The following PCDH15 variants were observed in gnomAD, a reference collection of about 807,000 sequenced individuals.
PCDH15 encodes protocadherin related 15.
Under a neutral mutation model 178.5 loss-of-function variants are expected in PCDH15, and 129 were observed. The observed-to-expected ratio is 0.72, with a 90% CI of 0.63 to 0.84. The LOEUF is 0.84. Ranked by LOEUF, PCDH15 falls within the 40% of genes least tolerant of loss-of-function variation. PCDH15 has a pLI of 0.00. For missense variants in PCDH15, 2,230 were observed against 2,099.9 expected (o/e 1.06, Z -1.21); for synonymous variants, 800 against 732.0 (o/e 1.09, Z -1.50).
At chr10:54,446,254 G>T (rs1320129959) in intron 3 of PCDH15, among the ~76,000 whole-genome samples, 1 of 151,530 alleles carries the variant, frequency 6.6e-6, no homozygotes, top group African/African-American at 2.4e-5. Flanking sequence ...TATGAAGGTT[G>T]AACTATTTGC....
At chr10:54,036,532 G>T (rs979691709) in intron 18 of PCDH15, among the ~76,000 whole-genome samples, 2 of 151,746 alleles carry the variant, frequency 1.3e-5, no homozygotes, top group African/African-American at 4.8e-5. Flanking sequence ...TATGTTTACA[G>T]CATAGTTTAG....
At position 55,577,427 on chromosome 10, in the gene PCDH15, G is replaced by A. The variant is rs1842518312; in HGVS notation, c.-156+50198C>T. 2.0e-5 allele frequency among the ~76,000 whole-genome samples: 3 copies of A among 151,956 alleles called. No homozygotes were observed. The South Asian group carries it at 6.2e-4, about 31-fold the overall frequency. On this transcript the variant is annotated intron_variant, in intron 2 of 5. Coordinates refer to the PCDH15 transcript ENST00000613346. ...ATTTTAATATTATACTAAATTCTGT[G>A]GAGATACCTGAAGAAAAAGAAAGAA...
intron 29 of PCDH15, among the ~76,000 whole-genome samples, chr10:53,832,065 C>T (rs2077047576): frequency 6.6e-6 from 1 of 152,000 alleles, no homozygotes; most frequent in Non-Finnish European, 1.5e-5. Context: ...ATAACACCAT[C>T]TTAAAAGTAA....
intron 2 of PCDH15, among the ~76,000 whole-genome samples, chr10:55,526,700 T>A (rs746605384): frequency 5.3e-5 from 8 of 152,106 alleles, no homozygotes; most frequent in Non-Finnish European, 1.2e-4. Context: ...AGGTTTATAA[T>A]TTATGCTTGT....
chr10:53,916,072 A>G (rs1210580538), intron 25 of PCDH15, among the ~76,000 whole-genome samples: 1 of 152,152 alleles, frequency 6.6e-6, no homozygotes, highest in East Asian at 1.9e-4. Flanking sequence ...TCATCTCCAG[A>G]TAACTTATAA....
intron 2 of PCDH15, among the ~76,000 whole-genome samples, chr10:54,922,792 T>C (rs1837527613): frequency 2.0e-5 from 3 of 152,148 alleles, no homozygotes; most frequent in Admixed American, 2.0e-4. Context: ...GGCACAGCCC[T>C]CATGGTTGCT....
chr10:55,294,992 C>T (rs975220620), intron 1 of PCDH15, among the ~76,000 whole-genome samples: 2 of 152,076 alleles, frequency 1.3e-5, no homozygotes, highest in African/African-American at 2.4e-5. Context: ...CAAGTTCCAC[C>T]TCTTTTTAGA....
chr10:55,507,007 A>T (rs914017536), intron 2 of PCDH15, among the ~76,000 whole-genome samples: 1 of 151,534 alleles, frequency 6.6e-6, no homozygotes. Flanking sequence ...AAGATTATAT[A>T]TAGGTATATA....
chr10:53,847,593 T>G (rs113657038), intron 28 of PCDH15, among the ~76,000 whole-genome samples: 1 of 152,116 alleles, frequency 6.6e-6, no homozygotes, highest in African/African-American at 2.4e-5. Context: ...GGAATTAGAC[T>G]TTGAAAGAGT....
At chr10:55,456,174 A>G (rs1565157691) in intron 2 of PCDH15, among the ~76,000 whole-genome samples, 3 of 152,176 alleles carry the variant, frequency 2.0e-5, no homozygotes, top group Middle Eastern at 6.8e-3. Flanking sequence ...AATAGCATCT[A>G]TGGATGTGAT....
At chr10:55,483,677 G>C (rs932672725) in intron 2 of PCDH15, among the ~76,000 whole-genome samples, 4 of 151,500 alleles carry the variant, frequency 2.6e-5, no homozygotes, top group Non-Finnish European at 5.9e-5. Context: ...GACACATACT[G>C]TGGTGGTGTG....
At chr10:55,597,440 T>A (rs1842958985) in intron 2 of PCDH15, among the ~76,000 whole-genome samples, 2 of 152,042 alleles carry the variant, frequency 1.3e-5, no homozygotes, top group Non-Finnish European at 2.9e-5. Context: ...TTGAACCTAG[T>A]CAGAACCCTA....
intron 29 of PCDH15, among the ~76,000 whole-genome samples, chr10:53,834,509 C>A (rs1047320852): frequency 7.1e-6 from 1 of 140,458 alleles, no homozygotes; most frequent in African/African-American, 2.8e-5. Context: ...AGCATCAACA[C>A]AGAAATGTGT....
At chr10:54,796,270 C>CTATCTATCTATG (rs1191299791) in intron 1 of PCDH15, among the ~76,000 whole-genome samples, 1 of 80,278 alleles carries the variant, frequency 1.2e-5, no homozygotes, top group East Asian at 3.3e-4. Flanking sequence ...ATCTATCTAT[C>CTATCTATCTATG]TATGTATCTA....
intron 1 of PCDH15, among the ~76,000 whole-genome samples, chr10:54,784,441 A>T (rs1950654711): frequency 6.6e-6 from 1 of 152,002 alleles, no homozygotes; most frequent in Non-Finnish European, 1.5e-5. Context: ...GAATAATGGG[A>T]TAATAGATTC....
chr10:55,608,716 C>T (rs921096138), intron 2 of PCDH15, among the ~76,000 whole-genome samples: 5 of 151,704 alleles, frequency 3.3e-5, no homozygotes, highest in African/African-American at 4.8e-5. Context: ...CCTCCCTGAT[C>T]GACTAAAACT....
intron 8 of PCDH15, among the ~76,000 whole-genome samples, chr10:54,245,272 T>G (rs1170647817): frequency 1.3e-5 from 2 of 152,202 alleles, no homozygotes; most frequent in Non-Finnish European, 1.5e-5. Context: ...ATTTTTAATT[T>G]AGATAAATGA....
At chr10:53,857,111 A>T (rs1236869898) in intron 28 of PCDH15, 64 bp downstream of exon 28, 13 of 1,187,404 alleles carry the variant, frequency 1.1e-5, no homozygotes, top group South Asian at 3.9e-5. Flanking sequence ...AATAAAATTT[A>T]AAAAATACAG....
chr10:54,872,771 A>G (rs1954062267), intron 3 of PCDH15, among the ~76,000 whole-genome samples: 2 of 152,106 alleles, frequency 1.3e-5, no homozygotes, highest in African/African-American at 2.4e-5. Flanking sequence ...TTAAAGAACA[A>G]TCGCAGGAGC....
Sources: gnomAD v4.1 joint callset for allele counts (sites outside exome capture counted in the v4.1 genomes callset) on GRCh38, gnomAD v4.1.1 for gene constraint, MANE v1.5 for transcripts, NCBI Gene and HGNC (gene_info 2026-07-23, HGNC 2026-07-21) for gene names.